SYNPO2: variants seen among roughly 807,000 people sequenced by gnomAD.
SYNPO2 encodes synaptopodin-2.
In SYNPO2, 56 loss-of-function variants were observed where a neutral mutation model predicts 85.0. The observed-to-expected ratio is 0.66, with a 90% CI of 0.53 to 0.82. The LOEUF (loss-of-function observed/expected upper bound fraction) is 0.82, where lower values mean the gene tolerates loss of function less well. Among genes scored for constraint, SYNPO2 ranks in the 40% least tolerant of loss-of-function variants. The probability of loss-of-function intolerance (pLI) is 0.00; values close to 1 mark genes in which losing one functional copy is unlikely to be tolerated. For synonymous variants in SYNPO2, 602 were observed against 591.1 expected, an observed-to-expected ratio of 1.02 and a Z score of -0.27; for missense variants, 1,575 against 1,534.2, an observed-to-expected ratio of 1.03 and a Z score of -0.44.
chr4:119,012,101 T>G (rs1737330092), intron 1 of SYNPO2, among the ~76,000 whole-genome samples: 1 of 152,008 alleles, frequency 6.6e-6, no homozygotes, highest in Non-Finnish European at 1.5e-5. Context: ...TTTTGTATTT[T>G]CAGTAGAGAT....
chr4:118,944,705 TAGG>T, intron 1 of SYNPO2, among the ~76,000 whole-genome samples: 1 of 152,338 alleles, frequency 6.6e-6, no homozygotes, highest in South Asian at 2.1e-4. Context: ...TCAGTTCTCT[TAGG>T]AGAAATATTT....
chr4:118,897,362 A>G (rs756600606), intron 1 of SYNPO2, among the ~76,000 whole-genome samples: 2 of 152,186 alleles, frequency 1.3e-5, no homozygotes, highest in African/African-American at 4.8e-5. Flanking sequence ...CAGTGGGGAC[A>G]CAGAGCAAAC....
rs189768006 is a variant in SYNPO2, at chr4:118,854,009, A to G, written c.12+3069A>G. On this transcript the variant is annotated intron_variant, in intron 1 of 4. Transcript: ENST00000610556. ...GTCAATGCTTTTTTAAAAAAATGCAATAAACTCTCCTGGCAGCAATGAACC... is the reference window on the plus strand; with the variant it reads ...GTCAATGCTTTTTTAAAAAAATGCAGTAAACTCTCCTGGCAGCAATGAACC... Among the ~76,000 whole-genome samples the G allele has an allele frequency of 9.5e-4, 144 of 152,354 alleles. 2 individuals are homozygous for G. Among genetic ancestry groups the G allele is most frequent in the African/African-American group, 3.3e-3 (137 of 41,574 alleles).
At chr4:118,961,099 GC>G (rs60796554) in intron 1 of SYNPO2, among the ~76,000 whole-genome samples, 58 of 94,626 alleles carry the variant, frequency 6.1e-4, no homozygotes, top group Admixed American at 7.5e-4. Flanking sequence ...CTATTTTACC[GC>G]CCCCCCCCCA....
At chr4:119,051,220 C>T (rs868064402) in intron 4 of SYNPO2, among the ~76,000 whole-genome samples, 46 of 96,628 alleles carry the variant, frequency 4.8e-4, no homozygotes, top group African/African-American at 1.4e-3. Flanking sequence ...GACGGAGTCT[C>T]GCTCTGTCGC....
At position 118,893,751 on chromosome 4, in the gene SYNPO2, A is replaced by G. The variant is rs569787457; in HGVS notation, c.105+4610A>G. Among the ~76,000 whole-genome samples, 125 of 152,308 alleles carry G rather than the reference A, an allele frequency of 8.2e-4. 2 individuals are homozygous for G. Among genetic ancestry groups the G allele is most frequent in the African/African-American group, 2.9e-3 (119 of 41,582 alleles). On this transcript the variant is annotated intron_variant, in intron 1 of 4. Coordinates refer to ENST00000307142, the MANE Select transcript of SYNPO2 (RefSeq NM_133477.3). The stretch of plus-strand genomic sequence containing the variant: ...GTGGTCAAGATTCACAACCACTGCT[A>G]TAGAAAGTTAAGGCCAAAAAATTCT...
intron 1 of SYNPO2, among the ~76,000 whole-genome samples, chr4:119,021,222 G>A (rs1737708674): frequency 6.6e-6 from 1 of 152,072 alleles, no homozygotes; most frequent in Admixed American, 6.6e-5. Context: ...GCTCTTAAAG[G>A]TAATATTTTG....
At position 118,882,006 on chromosome 4, in the gene SYNPO2, G is replaced by A. The variant is rs138180856; in HGVS notation, c.12+31066G>A. On this transcript the variant is annotated intron_variant, in intron 1 of 4. Coordinates refer to the SYNPO2 transcript ENST00000610556. Reference sequence around the variant, plus strand: ...TATCCATCCTGTTGATGATCTATCTGGCACTTATGATAAAGTTCTGTTATT... The same window carrying A: ...TATCCATCCTGTTGATGATCTATCTAGCACTTATGATAAAGTTCTGTTATT... Among the ~76,000 whole-genome samples the A allele has an allele frequency of 3.0e-3, 456 of 152,278 alleles. 2 individuals carry two copies. Among genetic ancestry groups the A allele is most frequent in the African/African-American group, 0.01 (428 of 41,534 alleles).
intron 3 of SYNPO2, among the ~76,000 whole-genome samples, chr4:119,027,948 G>T (rs753531924): frequency 1.3e-5 from 2 of 152,146 alleles, no homozygotes; most frequent in Non-Finnish European, 2.9e-5. Context: ...GACAGACAAG[G>T]ACATGTGTAT....
intron 1 of SYNPO2, among the ~76,000 whole-genome samples, chr4:118,937,292 G>C (rs530777382): frequency 6.6e-6 from 1 of 151,872 alleles, no homozygotes; most frequent in Non-Finnish European, 1.5e-5. Flanking sequence ...TCCATTACTA[G>C]AACAAACTCT....
chr4:118,901,794 G>A (rs974611951), intron 1 of SYNPO2, among the ~76,000 whole-genome samples: 2 of 152,194 alleles, frequency 1.3e-5, no homozygotes, highest in African/African-American at 2.4e-5. Context: ...AAGCACTGTG[G>A]GAAGTACATA....
chr4:118,974,350 A>G (rs1735646884), intron 1 of SYNPO2, among the ~76,000 whole-genome samples: 1 of 152,262 alleles, frequency 6.6e-6, no homozygotes, highest in South Asian at 2.1e-4. Flanking sequence ...TTGTGAATAT[A>G]CAGTCCATCC....
At chr4:118,866,701 C>A (rs928104428) in intron 1 of SYNPO2, among the ~76,000 whole-genome samples, 1 of 152,140 alleles carries the variant, frequency 6.6e-6, no homozygotes, top group Admixed American at 6.5e-5. Flanking sequence ...AGAGTTTCCA[C>A]AAGATCTGGT....
intron 4 of SYNPO2, chr4:119,037,644 C>T (rs2149195303): frequency 1.0e-6 from 1 of 985,764 alleles, no homozygotes; most frequent in African/African-American, 1.7e-5. Context: ...GAGGAAAAGA[C>T]AGGAGTTAAT....
At chr4:118,878,551 C>T (rs563319190) in intron 1 of SYNPO2, among the ~76,000 whole-genome samples, 8 of 152,122 alleles carry the variant, frequency 5.3e-5, no homozygotes, top group East Asian at 3.9e-4. Flanking sequence ...CACCAATCCG[C>T]GCTCTGTGTC....
intron 1 of SYNPO2, among the ~76,000 whole-genome samples, chr4:118,958,845 C>T (rs1032991609): frequency 6.6e-6 from 1 of 152,130 alleles, no homozygotes; most frequent in Non-Finnish European, 1.5e-5. Context: ...CTATGGTGCC[C>T]TTCTAGCCTC....
chr4:118,930,618 A>G (rs1733893008), intron 1 of SYNPO2, among the ~76,000 whole-genome samples: 1 of 151,970 alleles, frequency 6.6e-6, no homozygotes, highest in African/African-American at 2.4e-5. Context: ...CCTCCATTAG[A>G]TTACAAATAG....
chr4:119,019,825 C>A (rs918546627), intron 1 of SYNPO2, among the ~76,000 whole-genome samples: 2 of 152,104 alleles, frequency 1.3e-5, no homozygotes, highest in African/African-American at 4.8e-5. Context: ...GTACCCTTTC[C>A]CACTGCTACA....
rs1738225081 is a variant in SYNPO2, at chr4:119,031,012, T to C, written c.2237T>C (p.Met746Thr). Residue 746 changes from methionine (M) to threonine (T), a missense_variant, in exon 4 of 5, where the codon ATG becomes ACG. Transcript: ENST00000307142. ...LSLGAEACNF[M>T]QSSSAKQKTP... Reference sequence around the variant, plus strand: ...TTGGGGGCAGAGGCTTGTAATTTCATGCAAAGCTCCTCTGCCAAACAAAAG... The same window carrying C: ...TTGGGGGCAGAGGCTTGTAATTTCACGCAAAGCTCCTCTGCCAAACAAAAG... The C allele has an allele frequency of 1.2e-6, 2 of 1,614,128 alleles. No homozygotes were observed. The highest frequency in any genetic ancestry group is 1.7e-6 in the Non-Finnish European group (2 of 1,180,010).
Sources: allele counts gnomAD v4.1 joint callset (sites outside exome capture counted in the v4.1 genomes callset), GRCh38; gene constraint gnomAD v4.1.1; transcripts MANE v1.5; gene names NCBI Gene and HGNC (gene_info 2026-07-23, HGNC 2026-07-21).